MUC12: variants seen among roughly 807,000 people sequenced by gnomAD.
The protein encoded by MUC12 is mucin-12.
MUC12 carries 172 observed loss-of-function variants against 230.8 expected under a neutral mutation model. That is an observed-to-expected ratio of 0.75 (90% CI 0.66 to 0.85). The LOEUF (loss-of-function observed/expected upper bound fraction) is 0.85. MUC12 is among the 40% of genes least tolerant of loss of function. MUC12 has a pLI of 0.00. For missense variants in MUC12, 3,506 were observed against 5,920.6 expected, an observed-to-expected ratio of 0.59 and a Z score of 13.38; for synonymous variants, 1,259 against 2,401.9, an observed-to-expected ratio of 0.52 and a Z score of 13.91.
chr7:100,992,041 C>T lies in MUC12; in HGVS notation c.1478C>T (p.Ser493Phe), dbSNP rs1161000977. ...STTKPGLSEK[S>F]TTFYSSPRSP... The stretch of plus-strand genomic sequence containing the variant: ...ACAAAACCAGGCCTCAGTGAGAAAT[C>T]TACCACTTTCTACAGTAGCCCCAGA... The change falls in exon 2 of 12, where the codon TCT becomes TTT. Residue 493 changes from serine (S) to phenylalanine (F), a missense_variant. Physicochemically the swap from Ser to Phe is radical, Grantham distance 155. Coordinates refer to ENST00000536621, the MANE Select transcript of MUC12 (RefSeq NM_001164462.2). 6.5e-7 allele frequency: 1 copy of T among 1,537,998 alleles called. No homozygotes were observed. The highest frequency in any genetic ancestry group is 8.7e-7 in the Non-Finnish European group (1 of 1,147,076).
In MUC12 at chr7:101,002,814, C is replaced by A; in HGVS notation, c.12251C>A (p.Pro4084Gln). ...QEESTTFQSW[P>Q]SSSDTTPSPP... ...GAATCTACCACTTTCCAGAGCTGGC[C>A]AAGCTCAAGTGACACAACACCTTCA... is the stretch of plus-strand genomic sequence containing the variant. The change falls in exon 2 of 12, where the codon CCA (proline) becomes CAA (glutamine). Residue 4084 changes from proline (P) to glutamine (Q), a missense_variant. Physicochemically the swap from Pro to Gln is moderately conservative, Grantham distance 76. Coordinates refer to ENST00000536621, the MANE Select transcript of MUC12 (RefSeq NM_001164462.2). 8.6e-7 allele frequency: 1 copy of A among 1,168,150 alleles called. No individual in the cohort carries two copies. 72.4% of individuals were successfully genotyped at this position (1,168,150 alleles called of 1,614,324 possible). A position where few individuals can be genotyped will look rare whatever the true frequency, so the allele number is the denominator to read the frequency against.
Position 100,991,341 on chromosome 7 carries a change from C to T in MUC12, c.778C>T (p.His260Tyr). Residue 260 changes from histidine (H) to tyrosine (Y), a missense_variant, in exon 2 of 12, where the codon CAC becomes TAC. His to Tyr is a moderately conservative substitution (Grantham distance 83, BLOSUM62 2). Transcript: ENST00000536621. ...TPVHSSTGSP[H>Y]TTLSPSSSTT... ...CGTCCACAGCAGCACTGGATCGCCA[C>T]ACACAACACTGTCCCCTTCCAGCTC... is the stretch of plus-strand genomic sequence containing the variant. The T allele has an allele frequency of 1.3e-6, 2 of 1,537,760 alleles. No individual in the cohort carries two copies. Among genetic ancestry groups the T allele is most frequent in the Non-Finnish European group, 1.7e-6 (2 of 1,147,026 alleles).
rs764264951 is a variant in MUC12 at position 101,004,384 on chromosome 7, C to A, written c.13821C>A (p.Ser4607Arg). 3 of 1,484,614 alleles carry A rather than the reference C, an allele frequency of 2.0e-6. No individual in the cohort carries two copies. The highest frequency in any genetic ancestry group is 2.1e-5 in the Admixed American group (1 of 46,614). 92.0% of individuals were successfully genotyped at this position (1,484,614 alleles called of 1,614,324 possible). The change falls in exon 2 of 12, where the codon AGC becomes AGA. Residue 4607 changes from serine to arginine, a missense_variant. Physicochemically the swap from Ser to Arg is moderately radical, Grantham distance 110. Coordinates refer to ENST00000536621, the MANE Select transcript of MUC12 (RefSeq NM_001164462.2). ...TTGAAGAATCTACGGCGTACCACAG[C>A]AGCCCGGGCTCAACTCAAACAATGC... ...GLVEESTAYH[S>R]SPGSTQTMHF...
rs1793723817 is a variant in MUC12 at position 101,005,216 on chromosome 7, C to G, written c.14653C>G (p.Pro4885Ala). ...ACAATCTACACCCTTCCCTGACAGC[C>G]CAGGCTTCACTCACACAGTGTTACC... Reference protein sequence around the residue: ...SQQSTPFPDSPGFTHTVLPAT... With the variant: ...SQQSTPFPDSAGFTHTVLPAT... Residue 4885 changes from proline to alanine, a missense_variant, in exon 2 of 12, where the codon CCA (proline) becomes GCA (alanine). Transcript: ENST00000536621. 1 of 1,537,750 alleles carries G rather than the reference C, an allele frequency of 6.5e-7. No individual in the cohort carries two copies. Among genetic ancestry groups the G allele is most frequent in the Admixed American group, 2.0e-5 (1 of 50,986 alleles).
rs1171478868 is a variant in MUC12 at position 101,003,547 on chromosome 7, C to A, written c.12984C>A (p.Thr4328=). Residue 4328 remains threonine, a synonymous_variant, in exon 2 of 12, where the codon ACC becomes ACA. Transcript: ENST00000536621. ...CAACCCGTCAGGGAGAATCTACCAC[C>A]TTCCAGAGCTGGCCAAACTCGAAGG... ...GSTTRQGEST[T]FQSWPNSKDT... 1.7e-5 allele frequency: 26 copies of A among 1,529,966 alleles called. 1 individual carries two copies. The highest frequency in any genetic ancestry group is 2.4e-5 in the East Asian group (1 of 40,898). The allele number at this position is 1,529,966 out of a possible 1,614,324, so 94.8% of individuals were successfully genotyped here.
In MUC12 at chr7:101,004,501, C is replaced by T. The variant is rs1214026369; in HGVS notation, c.13938C>T (p.Ser4646=). The stretch of plus-strand genomic sequence containing the variant: ...CACACACAATATCTTCACCTCCTAG[C>T]ACCACATCTGCCCTTGTTGAAGAAC... ...STTHTISSPP[S]TTSALVEEPT... The change falls in exon 2 of 12, where the codon AGC becomes AGT. Residue 4646 remains serine, a synonymous_variant. Transcript: ENST00000536621. 2.6e-6 allele frequency: 4 copies of T among 1,534,622 alleles called. No individual in the cohort carries two copies. The highest frequency in any genetic ancestry group is 2.5e-5 in the East Asian group (1 of 40,718).
chr7:100,986,643 T>C (rs1048829253), intron 1 of MUC12, among the ~76,000 whole-genome samples: 1 of 152,158 alleles, frequency 6.6e-6, no homozygotes, highest in African/African-American at 2.4e-5. Flanking sequence ...CTGTGTGTCT[T>C]TTTCATGACT....
intron 1 of MUC12, among the ~76,000 whole-genome samples, chr7:100,986,334 G>A (rs987900441): frequency 1.3e-5 from 2 of 151,006 alleles, no homozygotes; most frequent in African/African-American, 4.9e-5. Context: ...GTAGGATGGT[G>A]ATATAGTTTG....
intron 1 of MUC12, among the ~76,000 whole-genome samples, chr7:100,983,717 A>G (rs901831831): frequency 4.6e-5 from 7 of 152,188 alleles, no homozygotes; most frequent in Non-Finnish European, 1.0e-4. Context: ...TCTGTACCCA[A>G]TAAATGCCAG....
intron 1 of MUC12, among the ~76,000 whole-genome samples, chr7:100,970,976 G>A (rs993064477): frequency 9.3e-5 from 14 of 150,996 alleles, no homozygotes; most frequent in African/African-American, 2.7e-4. Context: ...CAACCTGGGC[G>A]ACAGCGAGAC....
intron 2 of MUC12, 118 bp downstream of exon 2, chr7:101,005,637 C>T (rs1307105003): frequency 7.8e-7 from 1 of 1,275,300 alleles, no homozygotes; most frequent in African/African-American, 1.5e-5. Flanking sequence ...TTACTTGGGT[C>T]TACCGATTAT....
chr7:101,009,071 C>T (rs576869486), intron 4 of MUC12, 24 bp from the exon 5 acceptor site: 12 of 1,536,974 alleles, frequency 7.8e-6, no homozygotes, highest in Non-Finnish European at 1.0e-5. Context: ...CTTTGTGTGA[C>T]CTTCGCTGCC....
chr7:100,984,949 C>T (rs1423379259), intron 1 of MUC12, among the ~76,000 whole-genome samples: 1 of 152,114 alleles, frequency 6.6e-6, no homozygotes, highest in African/African-American at 2.4e-5. Flanking sequence ...TCACTGCAAC[C>T]TCTGCCTCTT....
At chr7:101,016,382 C>G (rs1793919910) in intron 10 of MUC12, among the ~76,000 whole-genome samples, 1 of 152,112 alleles carries the variant, frequency 6.6e-6, no homozygotes, top group Non-Finnish European at 1.5e-5. Flanking sequence ...TCTTGGCTCA[C>G]TGCAACTTCT....
At chr7:100,975,220 G>C (rs1276703481) in intron 1 of MUC12, among the ~76,000 whole-genome samples, 1 of 152,300 alleles carries the variant, frequency 6.6e-6, no homozygotes, top group Non-Finnish European at 1.5e-5. Flanking sequence ...CCTGTTTTAT[G>C]TACATGAAGT....
chr7:101,017,396 A>T (rs1440201350), intron 10 of MUC12, 179 bp from the exon 11 acceptor site: 12 of 560,188 alleles, frequency 2.1e-5, no homozygotes, highest in Non-Finnish European at 3.5e-5. Flanking sequence ...GCGGCTCCCC[A>T]GGCAGGCTCT....
At chr7:101,013,492 A>G (rs1793871198) in intron 8 of MUC12, among the ~76,000 whole-genome samples, 1 of 152,036 alleles carries the variant, frequency 6.6e-6, no homozygotes, top group Admixed American at 6.5e-5. Flanking sequence ...TATATTGTTA[A>G]TTTCCCTTAT....
intron 1 of MUC12, among the ~76,000 whole-genome samples, chr7:100,979,076 C>T (rs1476325163): frequency 1.3e-5 from 2 of 152,174 alleles, no homozygotes; most frequent in African/African-American, 4.8e-5. Context: ...TCCCAAAGTG[C>T]TGGGATTACA....
At chr7:101,017,327 T>C in intron 10 of MUC12, 1 of 478,836 alleles carries the variant, frequency 2.1e-6, no homozygotes. Flanking sequence ...GGCCCCCGCT[T>C]CCACCCCGTG....
Sources: gnomAD v4.1 joint callset for allele counts (sites outside exome capture counted in the v4.1 genomes callset) on GRCh38, gnomAD v4.1.1 for gene constraint, MANE v1.5 for transcripts, NCBI Gene and HGNC (gene_info 2026-07-23, HGNC 2026-07-21) for gene names.